Variants in ARB2A observed in about 807,000 individuals in gnomAD.
ARB2A encodes the protein ARB2 cotranscriptional regulator A.
At chr5:94,059,550 G>T in the ARB2A span, among the ~76,000 whole-genome samples, 1 of 146,304 alleles carries the variant, frequency 6.8e-6, no homozygotes, top group African/African-American at 2.5e-5. Flanking sequence ...GAACCCGGGA[G>T]GCAGAGGTTG....
chr5:93,808,401 TA>T, the ARB2A span, among the ~76,000 whole-genome samples: 16,088 of 127,192 alleles, frequency 0.13, 939 homozygotes, highest in Middle Eastern at 0.21. Context: ...GGAAATAATC[TA>T]AAAAAAAAAA....
the ARB2A span, among the ~76,000 whole-genome samples, chr5:93,677,303 C>CT: frequency 6.6e-6 from 1 of 152,178 alleles, no homozygotes; most frequent in African/African-American, 2.4e-5. Context: ...GAGTGACTCT[C>CT]TGACTGTCTT....
chr5:93,662,009 G>C, the ARB2A span, among the ~76,000 whole-genome samples: 2 of 152,082 alleles, frequency 1.3e-5, no homozygotes, highest in Non-Finnish European at 2.9e-5. Context: ...ACCATATGTC[G>C]CATGAGAGCT....
At chr5:93,810,383 G>A in the ARB2A span, among the ~76,000 whole-genome samples, 8 of 151,926 alleles carry the variant, frequency 5.3e-5, no homozygotes, top group African/African-American at 1.9e-4. Flanking sequence ...GTTGTACAAT[G>A]CCTTGCTAAA....
the ARB2A span, among the ~76,000 whole-genome samples, chr5:93,750,288 C>T: frequency 6.6e-6 from 1 of 152,048 alleles, no homozygotes; most frequent in Non-Finnish European, 1.5e-5. Flanking sequence ...TCAAGCCTTG[C>T]TACTTATGCT....
chr5:93,639,164 T>C, the ARB2A span, among the ~76,000 whole-genome samples: 2 of 152,234 alleles, frequency 1.3e-5, no homozygotes, highest in African/African-American at 4.8e-5. Context: ...TGATTTCTTA[T>C]TGATGCACTT....
At chr5:93,958,034 T>C in the ARB2A span, among the ~76,000 whole-genome samples, 1 of 152,010 alleles carries the variant, frequency 6.6e-6, no homozygotes, top group Non-Finnish European at 1.5e-5. Flanking sequence ...CTGTTCACTA[T>C]GGAACTTATG....
At chr5:93,958,899 T>C in the ARB2A span, 1 of 1,608,192 alleles carries the variant, frequency 6.2e-7, no homozygotes, top group Non-Finnish European at 8.5e-7. Context: ...ACCATCAGTT[T>C]CTGTGGATTT....
the ARB2A span, among the ~76,000 whole-genome samples, chr5:94,034,340 G>A: frequency 6.6e-6 from 1 of 152,060 alleles, no homozygotes; most frequent in African/African-American, 2.4e-5. Context: ...CATGTTTAGA[G>A]GTATATCTAC....
the ARB2A span, among the ~76,000 whole-genome samples, chr5:93,666,626 A>G: frequency 4.6e-5 from 7 of 151,986 alleles, no homozygotes; most frequent in Non-Finnish European, 7.3e-5. Flanking sequence ...GGTGATTATT[A>G]TAATGTTCTA....
At chr5:93,621,032 C>A in the ARB2A span, 1 of 1,611,312 alleles carries the variant, frequency 6.2e-7, no homozygotes, top group Admixed American at 1.7e-5. Context: ...GCGTCACAGC[C>A]GGCTTCAGGG....
chr5:93,808,401 TAAAA>T, the ARB2A span, among the ~76,000 whole-genome samples: 341 of 127,314 alleles, frequency 2.7e-3, 15 homozygotes, highest in East Asian at 0.069. Context: ...GGAAATAATC[TAAAA>T]AAAAAAAAAA....
chr5:93,898,446 T>C, the ARB2A span, among the ~76,000 whole-genome samples: 2 of 152,042 alleles, frequency 1.3e-5, no homozygotes, highest in Non-Finnish European at 2.9e-5. Context: ...GATGTACTCT[T>C]ACCCCTATTC....
chr5:94,077,725 G>C, the ARB2A span, among the ~76,000 whole-genome samples: 1 of 152,210 alleles, frequency 6.6e-6, no homozygotes, highest in African/African-American at 2.4e-5. Context: ...TTAGGTTATA[G>C]AGAATAAAGC....
the ARB2A span, among the ~76,000 whole-genome samples, chr5:93,664,359 G>A: frequency 1.4e-4 from 21 of 152,000 alleles, no homozygotes; most frequent in Non-Finnish European, 2.4e-4. Context: ...GACATTATAG[G>A]CATATTATTT....
chr5:94,008,758 T>C, the ARB2A span, among the ~76,000 whole-genome samples: 75 of 152,296 alleles, frequency 4.9e-4, no homozygotes, highest in African/African-American at 1.8e-3. Flanking sequence ...ACAAAAATAT[T>C]TGGAGCATAT....
At chr5:93,852,464 T>A in the ARB2A span, among the ~76,000 whole-genome samples, 2 of 152,208 alleles carry the variant, frequency 1.3e-5, no homozygotes, top group Non-Finnish European at 1.5e-5. Flanking sequence ...TTTCACTAGA[T>A]CCCATTTGTT....
chr5:93,761,615 A>G, the ARB2A span, among the ~76,000 whole-genome samples: 6 of 151,950 alleles, frequency 3.9e-5, no homozygotes, highest in Admixed American at 6.6e-5. Flanking sequence ...GCCTCTGTAG[A>G]CTCCACCTCT....
the ARB2A span, among the ~76,000 whole-genome samples, chr5:93,830,699 A>T: frequency 6.6e-6 from 1 of 152,072 alleles, no homozygotes; most frequent in Admixed American, 6.5e-5. Flanking sequence ...CTTTAGTCTC[A>T]ATTTTTCTAG....
Sources: allele counts gnomAD v4.1 joint callset (sites outside exome capture counted in the v4.1 genomes callset), GRCh38; gene constraint gnomAD v4.1.1; transcripts MANE v1.5; gene names NCBI Gene and HGNC (gene_info 2026-07-23, HGNC 2026-07-21).